The following UXS1 variants were observed in gnomAD, a reference collection of about 807,000 sequenced individuals.
UXS1 encodes UDP-glucuronic acid decarboxylase 1.
A neutral mutation model predicts 62.6 loss-of-function variants in UXS1; 33 were observed. The ratio of observed to expected loss-of-function variants is 0.53; its 90% CI spans 0.40 to 0.70. The LOEUF is 0.70. Ranked by LOEUF, UXS1 falls within the 30% of genes least tolerant of loss-of-function variation. The probability of loss-of-function intolerance (pLI) is 0.00; values close to 1 mark genes in which losing one functional copy is unlikely to be tolerated. For synonymous variants in UXS1, 213 were observed against 206.8 expected (o/e 1.03, Z -0.26); for missense variants, 434 against 556.3 (o/e 0.78, Z 2.21).
At chr2:106,153,885 T>C (rs1223503541) in intron 5 of UXS1, among the ~76,000 whole-genome samples, 4 of 152,064 alleles carry the variant, frequency 2.6e-5, no homozygotes, top group East Asian at 3.9e-4. Flanking sequence ...TAAAGAGAGA[T>C]TACAAAATAG....
chr2:106,136,983 A>G (rs865826337), intron 6 of UXS1, among the ~76,000 whole-genome samples: 2,609 of 148,214 alleles, frequency 0.018, 20 homozygotes, highest in East Asian at 0.055. Context: ...AAAAAAAAAA[A>G]AAAGAAAGCC....
intron 4 of UXS1, among the ~76,000 whole-genome samples, chr2:106,158,368 C>A (rs954346858): frequency 6.6e-6 from 1 of 152,188 alleles, no homozygotes; most frequent in Non-Finnish European, 1.5e-5. Flanking sequence ...AGCAAAAGCG[C>A]AAGGAGCTAC....
At chr2:106,151,931 A>C (rs1002102376) in intron 5 of UXS1, among the ~76,000 whole-genome samples, 3 of 152,210 alleles carry the variant, frequency 2.0e-5, no homozygotes, top group African/African-American at 7.2e-5. Context: ...TCGATTCAGG[A>C]GTGACAATAA....
chr2:106,146,297 A>T (rs1232507947), intron 5 of UXS1, among the ~76,000 whole-genome samples: 1 of 152,236 alleles, frequency 6.6e-6, no homozygotes, highest in East Asian at 1.9e-4. Context: ...CAAAATTCTC[A>T]TTCATTTCAC....
At chr2:106,114,120 A>T (rs12996345) in intron 9 of UXS1, among the ~76,000 whole-genome samples, 17,332 of 152,188 alleles carry the variant, frequency 0.11, 1,253 homozygotes, top group Non-Finnish European at 0.16. Context: ...GGCTGGAGTG[A>T]CACGGCCGCC....
At chr2:106,108,010 A>T (rs1678235125) in intron 10 of UXS1, among the ~76,000 whole-genome samples, 1 of 152,088 alleles carries the variant, frequency 6.6e-6, no homozygotes, top group Non-Finnish European at 1.5e-5. Context: ...CCCACTGCAT[A>T]CCCCCACAGA....
intron 8 of UXS1, among the ~76,000 whole-genome samples, 170 bp from the exon 9 acceptor site, chr2:106,123,261 G>A (rs1208767618): frequency 2.6e-5 from 4 of 151,344 alleles, no homozygotes; most frequent in Non-Finnish European, 4.4e-5. Context: ...GTTCCAGTAG[G>A]ATATGATATT....
At chr2:106,149,478 G>A (rs1017250465) in intron 5 of UXS1, among the ~76,000 whole-genome samples, 5 of 152,188 alleles carry the variant, frequency 3.3e-5, no homozygotes, top group African/African-American at 9.7e-5. Flanking sequence ...TCGTGGAAGT[G>A]TGTTCCACAT....
intron 1 of UXS1, among the ~76,000 whole-genome samples, chr2:106,187,575 C>CTTT (rs1684641574): frequency 6.6e-6 from 1 of 152,076 alleles, no homozygotes; most frequent in Non-Finnish European, 1.5e-5. Context: ...AACTAAGACA[C>CTTT]ATAAAACACT....
At chr2:106,101,187 A>C in intron 11 of UXS1, 69 bp from the exon 12 acceptor site, 18 of 1,515,636 alleles carry the variant, frequency 1.2e-5, no homozygotes, top group Non-Finnish European at 1.6e-5. Flanking sequence ...ACCACATAGA[A>C]GCCCTCCCAG....
At chr2:106,114,563 G>A (rs1263379938) in intron 9 of UXS1, among the ~76,000 whole-genome samples, 1 of 152,202 alleles carries the variant, frequency 6.6e-6, no homozygotes, top group East Asian at 1.9e-4. Flanking sequence ...AATGTGCCTG[G>A]CAGGGGAAAA....
intron 6 of UXS1, chr2:106,138,174 C>G: frequency 1.0e-6 from 1 of 985,464 alleles, no homozygotes. Flanking sequence ...ATTAACCTCA[C>G]ACTCTTCCCT....
chr2:106,187,235 T>C (rs1218149391), intron 1 of UXS1, among the ~76,000 whole-genome samples: 1 of 152,122 alleles, frequency 6.6e-6, no homozygotes, highest in Non-Finnish European at 1.5e-5. Flanking sequence ...AGCTTGTGCC[T>C]CCAACCCTCA....
intron 1 of UXS1, among the ~76,000 whole-genome samples, chr2:106,178,844 T>C (rs1157792215): frequency 7.0e-6 from 1 of 143,076 alleles, no homozygotes; most frequent in East Asian, 2.2e-4. Context: ...CCCCCCAGCC[T>C]TCCTGAACCA....
intron 1 of UXS1, among the ~76,000 whole-genome samples, chr2:106,169,420 G>A (rs139001331): frequency 2.1e-3 from 326 of 152,208 alleles, no homozygotes; most frequent in African/African-American, 7.3e-3. Flanking sequence ...ATTTCAGGTT[G>A]GTGCGGTGGC....
chr2:106,110,690 C>G lies in UXS1; in HGVS notation c.879+1956G>C, dbSNP rs144750951. Reference sequence around the variant, plus strand: ...CTACAAATCCAATAATTAGTCCACTCAACATTTCTCTCCTGCGCCCACGTA... The same window carrying G: ...CTACAAATCCAATAATTAGTCCACTGAACATTTCTCTCCTGCGCCCACGTA... On this transcript the variant is annotated intron_variant, in intron 10 of 14. Transcript: ENST00000283148. 7.9e-5 allele frequency among the ~76,000 whole-genome samples: 12 copies of G among 152,300 alleles called. 1 individual carries two copies. The East Asian group carries it at 2.1e-3, about 27-fold the overall frequency.
At chr2:106,097,392 T>C in intron 13 of UXS1, 1 of 355,626 alleles carries the variant, frequency 2.8e-6, no homozygotes, top group Non-Finnish European at 5.6e-6. Flanking sequence ...GCCCCACCAG[T>C]GACTGTGGGC....
intron 10 of UXS1, among the ~76,000 whole-genome samples, chr2:106,108,499 CAGG>C (rs1678286210): frequency 6.6e-6 from 1 of 152,182 alleles, no homozygotes; most frequent in Non-Finnish European, 1.5e-5. Flanking sequence ...ATGAGTATCA[CAGG>C]GATCTGGTGT....
At chr2:106,145,779 A>C (rs2104998897) in intron 5 of UXS1, among the ~76,000 whole-genome samples, 1 of 152,340 alleles carries the variant, frequency 6.6e-6, no homozygotes, top group African/African-American at 2.4e-5. Flanking sequence ...ACGATTAGCA[A>C]AATGCAGAGA....
Sources: gnomAD v4.1 joint callset for allele counts (sites outside exome capture counted in the v4.1 genomes callset) on GRCh38, gnomAD v4.1.1 for gene constraint, MANE v1.5 for transcripts, NCBI Gene and HGNC (gene_info 2026-07-23, HGNC 2026-07-21) for gene names.